The following AKAP19 variants were observed in gnomAD, a reference collection of about 807,000 sequenced individuals.
The protein encoded by AKAP19 is A-kinase anchoring protein 19.
the AKAP19 span, among the ~76,000 whole-genome samples, chr2:190,185,826 T>C: frequency 6.6e-6 from 1 of 152,230 alleles, no homozygotes; most frequent in Non-Finnish European, 1.5e-5. Context: ...TCTGGAGATA[T>C]AATACAACAC....
the AKAP19 span, chr2:190,201,143 G>GTTAT: frequency 6.0e-6 from 1 of 167,028 alleles, no homozygotes; most frequent in South Asian, 2.1e-4. Context: ...CTGGGTTTTT[G>GTTAT]TTATTTTTTA....
At chr2:189,956,649 G>A in the AKAP19 span, among the ~76,000 whole-genome samples, 1 of 152,104 alleles carries the variant, frequency 6.6e-6, no homozygotes, top group Non-Finnish European at 1.5e-5. Flanking sequence ...CACAATCATG[G>A]CTTACTGCAG....
At chr2:190,055,080 A>G in the AKAP19 span, among the ~76,000 whole-genome samples, 2 of 152,164 alleles carry the variant, frequency 1.3e-5, no homozygotes, top group African/African-American at 2.4e-5. Flanking sequence ...AACCAAGCCA[A>G]ATGTCCAACA....
the AKAP19 span, among the ~76,000 whole-genome samples, chr2:189,904,978 T>G: frequency 6.6e-6 from 1 of 152,000 alleles, no homozygotes; most frequent in African/African-American, 2.4e-5. Flanking sequence ...AGAATGTATA[T>G]TTATGTATCT....
the AKAP19 span, among the ~76,000 whole-genome samples, chr2:189,989,216 A>G: frequency 6.6e-6 from 1 of 152,324 alleles, no homozygotes; most frequent in East Asian, 1.9e-4. Flanking sequence ...AAGGATAACT[A>G]CTGAAATAAT....
At chr2:189,955,157 A>G in the AKAP19 span, among the ~76,000 whole-genome samples, 1,566 of 152,088 alleles carry the variant, frequency 0.01, 22 homozygotes, top group African/African-American at 0.035. Flanking sequence ...GTCTGCATGT[A>G]CCCGTTGTTT....
chr2:189,926,132 CA>C, the AKAP19 span, among the ~76,000 whole-genome samples: 2 of 152,102 alleles, frequency 1.3e-5, no homozygotes, highest in African/African-American at 4.8e-5. Flanking sequence ...CACATATAAG[CA>C]AGAGATATAG....
the AKAP19 span, among the ~76,000 whole-genome samples, chr2:189,886,638 C>A: frequency 6.6e-6 from 1 of 152,164 alleles, no homozygotes; most frequent in Admixed American, 6.5e-5. Flanking sequence ...GTCATATCAG[C>A]AAGGTGATCA....
chr2:190,200,256 GT>G, the AKAP19 span: 1 of 878,970 alleles, frequency 1.1e-6, no homozygotes, highest in Non-Finnish European at 1.8e-6. Flanking sequence ...ATTTAAAAAT[GT>G]GTCTACGATA....
At chr2:190,038,944 T>TTCTTCTTCTTCTTCTTCTTCC in the AKAP19 span, among the ~76,000 whole-genome samples, 1 of 145,064 alleles carries the variant, frequency 6.9e-6, no homozygotes, top group African/African-American at 2.7e-5. Context: ...CTTCTTCTTC[T>TTCTTCTTCTTCTTCTTCTTCC]TCTTCTTCTT....
At chr2:189,925,592 T>C in the AKAP19 span, among the ~76,000 whole-genome samples, 1 of 152,156 alleles carries the variant, frequency 6.6e-6, no homozygotes, top group Non-Finnish European at 1.5e-5. Context: ...GGTTCATTTG[T>C]GGGTATGAAT....
chr2:189,924,315 A>C, the AKAP19 span: 13 of 966,264 alleles, frequency 1.3e-5, no homozygotes, highest in Non-Finnish European at 1.8e-5. Flanking sequence ...TAGTATCTTC[A>C]GCACATGCTC....
chr2:189,897,462 T>C, the AKAP19 span, among the ~76,000 whole-genome samples: 1 of 152,192 alleles, frequency 6.6e-6, no homozygotes, highest in Non-Finnish European at 1.5e-5. Flanking sequence ...TTATGTATTC[T>C]GTGAAGTTTG....
the AKAP19 span, among the ~76,000 whole-genome samples, chr2:190,165,503 A>T: frequency 6.6e-6 from 1 of 152,226 alleles, no homozygotes; most frequent in Non-Finnish European, 1.5e-5. Context: ...ATGAAAAAAA[A>T]TACCGTAACA....
chr2:189,906,254 C>G, the AKAP19 span, among the ~76,000 whole-genome samples: 2 of 151,968 alleles, frequency 1.3e-5, no homozygotes, highest in African/African-American at 4.8e-5. Flanking sequence ...TCTGCAAGTT[C>G]CTTAACTTTT....
the AKAP19 span, among the ~76,000 whole-genome samples, chr2:189,958,689 A>G: frequency 4.7e-4 from 71 of 150,038 alleles, no homozygotes; most frequent in African/African-American, 1.6e-3. Context: ...TAAAGAACCG[A>G]AAAAAAAACC....
chr2:190,062,368 T>C, the AKAP19 span: 4 of 1,613,324 alleles, frequency 2.5e-6, no homozygotes, highest in African/African-American at 2.7e-5. Context: ...AGTTGTCTTA[T>C]AACATCTTTG....
At chr2:190,072,593 A>C in the AKAP19 span, among the ~76,000 whole-genome samples, 1 of 152,224 alleles carries the variant, frequency 6.6e-6, no homozygotes, top group East Asian at 1.9e-4. Flanking sequence ...AAAGCCCATG[A>C]AACATTTACT....
At chr2:189,948,172 A>C in the AKAP19 span, among the ~76,000 whole-genome samples, 5 of 152,192 alleles carry the variant, frequency 3.3e-5, no homozygotes, top group Non-Finnish European at 7.4e-5. Context: ...AGCATTCTTC[A>C]TGTACTAGCA....
Sources: gnomAD v4.1 joint callset for allele counts (sites outside exome capture counted in the v4.1 genomes callset) on GRCh38, gnomAD v4.1.1 for gene constraint, MANE v1.5 for transcripts, NCBI Gene and HGNC (gene_info 2026-07-23, HGNC 2026-07-21) for gene names.